EYA3: variants seen among roughly 807,000 people sequenced by gnomAD.
The protein encoded by EYA3 is EYA transcriptional coactivator and phosphatase 3.
A neutral mutation model predicts 80.0 loss-of-function variants in EYA3; 39 were observed. That is an observed-to-expected ratio of 0.49 (90% CI 0.38 to 0.64). The LOEUF (loss-of-function observed/expected upper bound fraction) is 0.64, where lower values mean the gene tolerates loss of function less well. EYA3 is among the 30% of genes least tolerant of loss of function. The pLI is 0.00. For synonymous variants in EYA3, 206 were observed against 232.8 expected (o/e 0.88, Z 1.05); for missense variants, 523 against 676.1 (o/e 0.77, Z 2.51).
chr1:27,977,541 G>C (rs1350599850), intron 17 of EYA3, among the ~76,000 whole-genome samples: 3 of 152,102 alleles, frequency 2.0e-5, no homozygotes, highest in African/African-American at 4.8e-5. Context: ...TTCATCTATT[G>C]TTTCCTATAT....
At chr1:27,999,918 G>T in intron 12 of EYA3, 42 bp downstream of exon 12, 1 of 1,346,872 alleles carries the variant, frequency 7.4e-7, no homozygotes, top group Non-Finnish European at 1.0e-6. Flanking sequence ...GTTATTGAAT[G>T]AAGTGTCTCA....
chr1:27,998,763 ACTAT>A (rs1640628667), intron 12 of EYA3, among the ~76,000 whole-genome samples: 1 of 151,954 alleles, frequency 6.6e-6, no homozygotes, highest in African/African-American at 2.4e-5. Context: ...TTTATAAAAT[ACTAT>A]CTTTTTATTT....
At chr1:27,982,068 G>A (rs924880916) in intron 16 of EYA3, among the ~76,000 whole-genome samples, 6 of 148,310 alleles carry the variant, frequency 4.0e-5, no homozygotes, top group East Asian at 2.0e-4. Flanking sequence ...GTGCAGTGGC[G>A]TGATCTTGGC....
At chr1:28,016,249 T>C (rs896406878) in intron 8 of EYA3, among the ~76,000 whole-genome samples, 2 of 152,050 alleles carry the variant, frequency 1.3e-5, no homozygotes, top group Non-Finnish European at 2.9e-5. Context: ...TAAACAAGGC[T>C]GGGCGCGGTG....
intron 2 of EYA3, among the ~76,000 whole-genome samples, chr1:28,050,186 TATTATTA>T (rs1644186068): frequency 7.6e-6 from 1 of 132,278 alleles, no homozygotes; most frequent in Admixed American, 7.7e-5. Flanking sequence ...TTATTATTAT[TATTATTA>T]TTATTATTAT....
chr1:28,045,927 T>C (rs536022819), intron 3 of EYA3, among the ~76,000 whole-genome samples: 8 of 152,282 alleles, frequency 5.3e-5, no homozygotes, highest in Admixed American at 1.3e-4. Context: ...TGGAGTATTA[T>C]TGAGCCTTAA....
chr1:27,982,558 T>C (rs1639380200), intron 16 of EYA3, among the ~76,000 whole-genome samples: 1 of 152,160 alleles, frequency 6.6e-6, no homozygotes, highest in East Asian at 1.9e-4. Context: ...TATTACATAC[T>C]GTACATTTAT....
chr1:28,015,003 ATATAAT>A (rs1420980597), intron 8 of EYA3, among the ~76,000 whole-genome samples: 2 of 152,244 alleles, frequency 1.3e-5, no homozygotes, highest in African/African-American at 2.4e-5. Flanking sequence ...CATAAACCAA[ATATAAT>A]TATATGTATG....
intron 1 of EYA3, among the ~76,000 whole-genome samples, chr1:28,087,401 G>GT (rs1176971874): frequency 1.3e-5 from 2 of 152,138 alleles, no homozygotes; most frequent in Non-Finnish European, 2.9e-5. Flanking sequence ...TCTAAGTAAT[G>GT]TAATTCTAAG....
At chr1:28,023,095 G>A (rs74479510) in intron 7 of EYA3, among the ~76,000 whole-genome samples, 3,711 of 148,796 alleles carry the variant, frequency 0.025, 136 homozygotes, top group African/African-American at 0.067. Context: ...GGGGGGGGGG[G>A]AAAACCAAAA....
Position 28,011,074 on chromosome 1 carries a change from G to A in EYA3, c.782C>T (p.Thr261Ile). Residue 261 changes from threonine to isoleucine, a missense_variant, in exon 10 of 18, where the codon ACA (threonine) becomes ATA (isoleucine). Coordinates refer to ENST00000373871, the MANE Select transcript of EYA3 (RefSeq NM_001990.4). ...AQRLSSGDPS[T>I]SPSLSQTTPS... ...TGTAGTCTGGGACAAAGATGGACTT[G>A]TAGAAGGGTCTCCTGGAAAGAAAAA... 1 of 1,612,556 alleles carries A rather than the reference G, an allele frequency of 6.2e-7. No homozygotes were observed. Among genetic ancestry groups the A allele is most frequent in the Non-Finnish European group, 8.5e-7 (1 of 1,179,596 alleles).
At chr1:27,997,860 A>C (rs1640565242) in intron 12 of EYA3, among the ~76,000 whole-genome samples, 1 of 152,188 alleles carries the variant, frequency 6.6e-6, no homozygotes, top group Admixed American at 6.5e-5. Flanking sequence ...GAATGACTGA[A>C]ATTTCTAACT....
intron 3 of EYA3, among the ~76,000 whole-genome samples, chr1:28,047,670 G>C (rs1012668337): frequency 1.6e-5 from 2 of 122,910 alleles, no homozygotes; most frequent in African/African-American, 6.3e-5. Context: ...ACAGAGTCTC[G>C]CTCTGTCGCC....
rs755695842 is a variant in EYA3, at chr1:28,010,987, C to T, written c.869G>A (p.Arg290Lys). The T allele has an allele frequency of 2.5e-6, 4 of 1,614,094 alleles. No homozygotes were observed. The highest frequency in any genetic ancestry group is 3.4e-6 in the Non-Finnish European group (4 of 1,179,992). ...KNMTSKNRGK[R>K]KADATSSQDS... ...TTGGGAAGAAGTGGCATCAGCTTTC[C>T]TCTTGCCCCGGTTCTTGCTAGTCAT... The change falls in exon 10 of 18, where the codon AGG becomes AAG. Residue 290 changes from arginine (R) to lysine (K), a missense_variant. This residue lies in a region of EYA3 where 219 missense variants were observed against 332.8 expected (regional missense o/e 0.66). Coordinates refer to ENST00000373871, the MANE Select transcript of EYA3 (RefSeq NM_001990.4).
chr1:28,065,152 C>T (rs549175685), intron 1 of EYA3, among the ~76,000 whole-genome samples: 95 of 152,354 alleles, frequency 6.2e-4, no homozygotes, highest in African/African-American at 2.2e-3. Flanking sequence ...TAAATTTTAA[C>T]TCAGCAGTTT....
At position 27,984,850 on chromosome 1, in the gene EYA3, T is replaced by A. The variant is rs75676463; in HGVS notation, c.1540+3685A>T. ...CTCCAAACAAACCTCCTCTAAAGAG[T>A]TGTATAGTTCCCTTCTCCAACTCTC... On this transcript the variant is annotated intron_variant, in intron 16 of 17. Coordinates refer to ENST00000373871, the MANE Select transcript of EYA3 (RefSeq NM_001990.4). 6.5e-4 allele frequency among the ~76,000 whole-genome samples: 99 copies of A among 152,196 alleles called. 1 individual carries two copies. The East Asian group carries it at 0.018, about 27-fold the overall frequency.
intron 17 of EYA3, 123 bp downstream of exon 17, chr1:27,978,251 G>T: frequency 1.5e-6 from 1 of 671,140 alleles, no homozygotes. Context: ...AAAGAAAAAT[G>T]GGAGAGGAAG....
At chr1:27,977,804 T>A (rs1381998965) in intron 17 of EYA3, among the ~76,000 whole-genome samples, 2 of 143,956 alleles carry the variant, frequency 1.4e-5, no homozygotes, top group Non-Finnish European at 1.5e-5. Flanking sequence ...GCCAAGACTG[T>A]GCCACTGCAT....
intron 11 of EYA3, 48 bp from the exon 12 acceptor site, chr1:28,000,097 T>C: frequency 1.4e-6 from 2 of 1,383,402 alleles, no homozygotes; most frequent in Non-Finnish European, 2.0e-6. Flanking sequence ...GTCACAGTCC[T>C]GGTTCTAATC....
Sources: gnomAD v4.1 joint callset for allele counts (sites outside exome capture counted in the v4.1 genomes callset) on GRCh38, gnomAD v4.1.1 for gene constraint, gnomAD v4.1.1 regional missense constraint, MANE v1.5 for transcripts, NCBI Gene and HGNC (gene_info 2026-07-23, HGNC 2026-07-21) for gene names.